The following XKR4 variants were observed in gnomAD, a reference collection of about 807,000 sequenced individuals.
XKR4 encodes XK-related protein 4.
In XKR4, 12 loss-of-function variants were observed where a neutral mutation model predicts 53.9. The ratio of observed to expected loss-of-function variants is 0.22; its 90% CI spans 0.14 to 0.36. The LOEUF is 0.36. XKR4 is among the 10% of genes least tolerant of loss of function. The pLI, the probability that XKR4 is intolerant of heterozygous loss-of-function variation, is 1.00. For missense variants in XKR4, 799 were observed against 859.5 expected, an observed-to-expected ratio of 0.93 and a Z score of 0.88; for synonymous variants, 354 against 362.4, an observed-to-expected ratio of 0.98 and a Z score of 0.26.
chr8:55,159,525 T>C (rs1816956302), intron 1 of XKR4, among the ~76,000 whole-genome samples: 1 of 152,200 alleles, frequency 6.6e-6, no homozygotes, highest in South Asian at 2.1e-4. Flanking sequence ...TCTGTATCTT[T>C]TGAGCAAAAA....
chr8:55,515,215 A>G (rs1806694701), intron 2 of XKR4, among the ~76,000 whole-genome samples: 2 of 152,242 alleles, frequency 1.3e-5, no homozygotes, highest in African/African-American at 4.8e-5. Context: ...AAGAAAGTAT[A>G]TCCCTACCAA....
intron 1 of XKR4, among the ~76,000 whole-genome samples, chr8:55,169,925 G>C (rs558927786): frequency 6.6e-6 from 1 of 152,296 alleles, no homozygotes; most frequent in East Asian, 1.9e-4. Flanking sequence ...ACCAGAATTT[G>C]CTAACACTTC....
At chr8:55,244,373 C>T (rs1260932395) in intron 1 of XKR4, among the ~76,000 whole-genome samples, 1 of 152,194 alleles carries the variant, frequency 6.6e-6, no homozygotes, top group East Asian at 1.9e-4. Context: ...CAGCTCCATC[C>T]ATGTTGCTGC....
chr8:55,512,949 T>C (rs1217955802), intron 2 of XKR4, among the ~76,000 whole-genome samples: 5 of 152,150 alleles, frequency 3.3e-5, no homozygotes. Context: ...GGTTCACAAA[T>C]GCAAATATTG....
intron 1 of XKR4, among the ~76,000 whole-genome samples, chr8:55,256,450 A>G (rs1458626834): frequency 6.6e-6 from 1 of 152,234 alleles, no homozygotes; most frequent in African/African-American, 2.4e-5. Context: ...GAAACTGGAA[A>G]CCAAGGCATT....
intron 2 of XKR4, among the ~76,000 whole-genome samples, chr8:55,514,121 T>G (rs10098674): frequency 0.21 from 31,325 of 152,244 alleles, 3,795 homozygotes; most frequent in Middle Eastern, 0.31. Context: ...ATTATTTCAC[T>G]TCTCTAATCC....
intron 2 of XKR4, chr8:55,450,263 G>C (rs950857572): frequency 2.9e-6 from 2 of 678,138 alleles, no homozygotes; most frequent in Admixed American, 2.4e-5. Context: ...GGGGCTCAGG[G>C]GGTTCCCCGA....
At chr8:55,294,897 C>G (rs1338932948) in intron 1 of XKR4, among the ~76,000 whole-genome samples, 1 of 152,052 alleles carries the variant, frequency 6.6e-6, no homozygotes, top group Non-Finnish European at 1.5e-5. Flanking sequence ...CATGCAAAAC[C>G]TGTTGAAAAT....
At chr8:55,412,575 G>A (rs919472625) in intron 2 of XKR4, among the ~76,000 whole-genome samples, 6 of 152,144 alleles carry the variant, frequency 3.9e-5, no homozygotes, top group Non-Finnish European at 8.8e-5. Context: ...ACCAGGCCAT[G>A]TGACTCCCAT....
chr8:55,338,081 A>G (rs1319236876), intron 1 of XKR4, among the ~76,000 whole-genome samples: 1 of 152,226 alleles, frequency 6.6e-6, no homozygotes, highest in African/African-American at 2.4e-5. Context: ...ATAAGAAAAA[A>G]ATGTAAAACT....
intron 1 of XKR4, among the ~76,000 whole-genome samples, chr8:55,343,743 T>C (rs774956261): frequency 1.3e-5 from 2 of 152,212 alleles, no homozygotes; most frequent in Non-Finnish European, 2.9e-5. Flanking sequence ...TGGGTTCTTT[T>C]ATTCTCCATC....
At chr8:55,419,430 T>C (rs1802300409) in intron 2 of XKR4, among the ~76,000 whole-genome samples, 1 of 152,228 alleles carries the variant, frequency 6.6e-6, no homozygotes, top group Non-Finnish European at 1.5e-5. Flanking sequence ...TCCAATGTAT[T>C]GGGCTTATCT....
rs180953842 is a variant in XKR4 at position 55,365,028 on chromosome 8, A to C, written c.1006+7151A>C. Among the ~76,000 whole-genome samples, 49 of 152,342 alleles carry C rather than the reference A, an allele frequency of 3.2e-4. No individual in the cohort carries two copies. The East Asian group carries it at 9.1e-3, about 28-fold the overall frequency. ...AGTATTATTAATAGATAAACTGATG[A>C]AATATAGTGTGAAAGAGAGTTGTTT... On this transcript the variant is annotated intron_variant, in intron 2 of 2. Coordinates refer to ENST00000327381, the MANE Select transcript of XKR4 (RefSeq NM_052898.2).
At chr8:55,121,361 G>A (rs1030484104) in intron 1 of XKR4, among the ~76,000 whole-genome samples, 1 of 152,152 alleles carries the variant, frequency 6.6e-6, no homozygotes, top group Non-Finnish European at 1.5e-5. Context: ...CCTACCCTGT[G>A]CCAAATGACC....
At chr8:55,310,978 T>G (rs1819379502) in intron 1 of XKR4, among the ~76,000 whole-genome samples, 1 of 152,154 alleles carries the variant, frequency 6.6e-6, no homozygotes, top group African/African-American at 2.4e-5. Context: ...CTAGGGTGCT[T>G]ATATCCCCAC....
chr8:55,456,157 T>C (rs762353354), intron 2 of XKR4, among the ~76,000 whole-genome samples: 3 of 151,856 alleles, frequency 2.0e-5, no homozygotes, highest in Admixed American at 6.6e-5. Flanking sequence ...AGCAGCTGGG[T>C]GCAGTGGCTC....
intron 1 of XKR4, among the ~76,000 whole-genome samples, chr8:55,157,548 G>T (rs1388287979): frequency 6.6e-6 from 1 of 151,914 alleles, no homozygotes; most frequent in Admixed American, 6.6e-5. Context: ...AGGTTCAAGG[G>T]TACATGTGCA....
intron 1 of XKR4, among the ~76,000 whole-genome samples, chr8:55,289,604 A>AGAAAGAAG (rs1818957888): frequency 1.7e-5 from 2 of 121,002 alleles, no homozygotes; most frequent in Non-Finnish European, 3.4e-5. Context: ...AAAGAAAGAA[A>AGAAAGAAG]GAAAGAAAGA....
intron 2 of XKR4, chr8:55,451,849 G>C: frequency 1.1e-6 from 1 of 895,864 alleles, no homozygotes; most frequent in Non-Finnish European, 1.8e-6. Context: ...GCCGTCCGAG[G>C]GCTTCAAGGC....
Sources: gnomAD v4.1 joint callset for allele counts (sites outside exome capture counted in the v4.1 genomes callset) on GRCh38, gnomAD v4.1.1 for gene constraint, MANE v1.5 for transcripts, NCBI Gene and HGNC (gene_info 2026-07-23, HGNC 2026-07-21) for gene names.